Variants in IGFN1 observed in about 807,000 individuals in gnomAD.
The protein encoded by IGFN1 is immunoglobulin-like and fibronectin type III domain-containing protein 1.
In IGFN1, 253 loss-of-function variants were observed where a neutral mutation model predicts 289.5. The ratio of observed to expected loss-of-function variants is 0.87; its 90% CI spans 0.79 to 0.97. IGFN1 has a LOEUF of 0.97. Ranked by LOEUF, IGFN1 falls within the 50% of genes least tolerant of loss-of-function variation. The probability of loss-of-function intolerance (pLI) is 0.00; values close to 1 mark genes in which losing one functional copy is unlikely to be tolerated. For synonymous variants in IGFN1, 1,706 were observed against 1,788.5 expected (o/e 0.95, Z 1.16); for missense variants, 4,470 against 4,686.1 (o/e 0.95, Z 1.35).
chr1:201,204,567 C>T (rs895831634), intron 10 of IGFN1, among the ~76,000 whole-genome samples: 1 of 152,142 alleles, frequency 6.6e-6, no homozygotes, highest in African/African-American at 2.4e-5. Flanking sequence ...GGGGGAGGTG[C>T]CCAGATGGGG....
rs1667567389 is a variant in IGFN1, at chr1:201,208,887, G to A, written c.3994G>A (p.Glu1332Lys). The change falls in exon 12 of 24, where the codon GAG (glutamate) becomes AAG (lysine). Residue 1332 changes from glutamate (E) to lysine (K), a missense_variant. By Grantham distance (56) the Glu-to-Lys change is moderately conservative (BLOSUM62 1). Around this residue, in one of 8 missense-constraint regions of IGFN1, gnomAD observed 2,011 missense variants for 1,953.4 expected, o/e 1.03. Coordinates refer to ENST00000335211, the MANE Select transcript of IGFN1 (RefSeq NM_001164586.2). ...AGYRKDLGAP[E>K]GISSGSKADY... The stretch of plus-strand genomic sequence containing the variant: ...TTATAGGAAAGATTTAGGGGCTCCT[G>A]AGGGAATAAGTTCAGGGAGCAAGGC... The A allele has an allele frequency of 6.5e-7, 1 of 1,536,770 alleles. No homozygotes were observed. The highest frequency in any genetic ancestry group is 1.4e-5 in the African/African-American group (1 of 72,956).
chr1:201,213,922 T>C (rs924816011), intron 12 of IGFN1, among the ~76,000 whole-genome samples: 1 of 152,178 alleles, frequency 6.6e-6, no homozygotes, highest in African/African-American at 2.4e-5. Flanking sequence ...TTCTCACCTG[T>C]GGCGGGGGGG....
At position 201,212,376 on chromosome 1, in the gene IGFN1, G is replaced by A; in HGVS notation, c.7483G>A (p.Asp2495Asn). 6.5e-7 allele frequency: 1 copy of A among 1,536,960 alleles called. No individual in the cohort carries two copies. The highest frequency in any genetic ancestry group is 8.7e-7 in the Non-Finnish European group (1 of 1,146,818). Residue 2495 changes from aspartate to asparagine, a missense_variant, in exon 12 of 24, where the codon GAC (aspartate) becomes AAC (asparagine). Physicochemically the swap from Asp to Asn is conservative, Grantham distance 23 (BLOSUM62 1). Transcript: ENST00000335211. ...AAAACCAGATGTCAAAGAATGGCAA[G>A]ACAGTTCTGGGACTCCAGGGTCTTC... ...KGKPDVKEWQ[D>N]SSGTPGSSRD...
Position 201,215,667 on chromosome 1 carries a change from G to A in IGFN1, c.9124G>A (p.Asp3042Asn). ...CCCCATTCAGGCTGCCTGGAGGAAGGACGGGGCTGAGGTGGTGGGCAGCAG... is the reference window on the plus strand; with the variant it reads ...CCCCATTCAGGCTGCCTGGAGGAAGAACGGGGCTGAGGTGGTGGGCAGCAG... ...HLPIQAAWRKDGAEVVGSSDR... is the reference protein window; with the variant it reads ...HLPIQAAWRKNGAEVVGSSDR... Residue 3042 changes from aspartate (D) to asparagine (N), a missense_variant, in exon 15 of 24, where the codon GAC becomes AAC. Asp to Asn is a conservative substitution (Grantham distance 23, BLOSUM62 1). This residue lies in a region of IGFN1 where 2,218 missense variants were observed against 2,114.1 expected (regional missense o/e 1.05). Transcript: ENST00000335211. 1 of 1,614,006 alleles carries A rather than the reference G, an allele frequency of 6.2e-7. No individual in the cohort carries two copies. The highest frequency in any genetic ancestry group is 1.1e-5 in the South Asian group (1 of 91,050).
rs1667534842 is a variant in IGFN1, at chr1:201,208,305, G to A, written c.3412G>A (p.Glu1138Lys). Residue 1138 changes from glutamate (E) to lysine (K), a missense_variant, in exon 12 of 24, where the codon GAA (glutamate) becomes AAA (lysine). Glu to Lys is a moderately conservative substitution (Grantham distance 56). Transcript: ENST00000335211. ...RASEALGAFG[E>K]GGYEDGSGGP... ...CTCAGAGGCCCTGGGGGCCTTTGGA[G>A]AAGGAGGCTATGAAGATGGCTCTGG... 6.6e-7 allele frequency: 1 copy of A among 1,524,996 alleles called. No individual in the cohort carries two copies. The highest frequency in any genetic ancestry group is 1.4e-5 in the African/African-American group (1 of 72,046). The allele number at this position is 1,524,996 out of a possible 1,614,324, so 94.5% of individuals were successfully genotyped here. A position where few individuals can be genotyped will look rare whatever the true frequency, so the allele number is the denominator to read the frequency against.
intron 23 of IGFN1, among the ~76,000 whole-genome samples, chr1:201,227,918 G>A (rs1558164797): frequency 6.6e-6 from 1 of 152,192 alleles, no homozygotes; most frequent in Non-Finnish European, 1.5e-5. Flanking sequence ...AGAAAGCCAT[G>A]CTGATTCTCT....
intron 7 of IGFN1, among the ~76,000 whole-genome samples, 191 bp downstream of exon 7, chr1:201,199,845 AT>A (rs2102323262): frequency 6.6e-6 from 1 of 152,284 alleles, no homozygotes; most frequent in East Asian, 1.9e-4. Context: ...CAGCTCTGCC[AT>A]TTCAAAGCTC....
At chr1:201,194,131 T>A (rs1666777043) in intron 2 of IGFN1, 23 bp from the exon 3 acceptor site, 1 of 1,550,456 alleles carries the variant, frequency 6.4e-7, no homozygotes, top group Admixed American at 2.0e-5. Context: ...AGGCCCCATC[T>A]CCTTCCCTCC....
chr1:201,216,780 T>G (rs1571482595), intron 16 of IGFN1, 27 bp downstream of exon 16: 5 of 1,547,074 alleles, frequency 3.2e-6, no homozygotes, highest in Non-Finnish European at 4.4e-6. Flanking sequence ...GGGCTGGGGG[T>G]GGGGGACACT....
rs2102337308 is a variant in IGFN1, at chr1:201,208,341, G to A, written c.3448G>A (p.Ala1150Thr). The A allele has an allele frequency of 6.7e-7, 1 of 1,486,798 alleles. No individual in the cohort carries two copies. Among genetic ancestry groups the A allele is most frequent in the Non-Finnish European group, 8.9e-7 (1 of 1,128,556 alleles). 92.1% of individuals were successfully genotyped at this position (1,486,798 alleles called of 1,614,324 possible). Residue 1150 changes from alanine (A) to threonine (T), a missense_variant, in exon 12 of 24, where the codon GCC (alanine) becomes ACC (threonine). By Grantham distance (58) the Ala-to-Thr change is moderately conservative. Coordinates refer to ENST00000335211, the MANE Select transcript of IGFN1 (RefSeq NM_001164586.2). ...GYEDGSGGPG[A>T]MGPGSLRAGS... Reference sequence around the variant, plus strand: ...TGAAGATGGCTCTGGGGGTCCAGGAGCCATGGGACCAGGGTCTCTGAGGGC... The same window carrying A: ...TGAAGATGGCTCTGGGGGTCCAGGAACCATGGGACCAGGGTCTCTGAGGGC...
At position 201,225,938 on chromosome 1, in the gene IGFN1, T is replaced by G. The variant is rs1391954068; in HGVS notation, c.10601T>G (p.Val3534Gly). 5 of 1,602,424 alleles carry G rather than the reference T, an allele frequency of 3.1e-6. No homozygotes were observed. Among genetic ancestry groups the G allele is most frequent in the African/African-American group, 1.3e-5 (1 of 74,844 alleles). ...CAGGATGTCCCGCTGCACTACGCGG[T>G]GTTCACACGCTCCTCAGCGCACGGT... is the stretch of plus-strand genomic sequence containing the variant. ...EAQDVPLHYA[V>G]FTRSSAHGPW... Residue 3534 changes from valine (V) to glycine (G), a missense_variant, in exon 22 of 24, where the codon GTG becomes GGG. Around this residue, in one of 8 missense-constraint regions of IGFN1, gnomAD observed 2,218 missense variants for 2,114.1 expected, o/e 1.05. Coordinates refer to ENST00000335211, the MANE Select transcript of IGFN1 (RefSeq NM_001164586.2).
rs547571730 is a variant in IGFN1, at chr1:201,205,479, A to G, written c.1189+125A>G. The G allele has an allele frequency of 6.7e-5, 74 of 1,103,984 alleles. No individual in the cohort carries two copies. The African/African-American group carries it at 1.1e-3, about 16-fold the overall frequency. 68.4% of individuals were successfully genotyped at this position (1,103,984 alleles called of 1,614,324 possible). A position where few individuals can be genotyped will look rare whatever the true frequency, so the allele number is the denominator to read the frequency against. On this transcript the variant is annotated intron_variant, in intron 11 of 23. Transcript: ENST00000335211. The stretch of plus-strand genomic sequence containing the variant: ...GAGAATAAGGAAAGCTCCTTAGATT[A>G]TTCTCCACCCACTGCAGTGCAGACC...
rs147240309 is a variant in IGFN1 at position 201,196,004 on chromosome 1, C to T, written c.267+26C>T. ...GTAAGAACCGTAGCTCTTCCCCTGA[C>T]CAGGGTCTACTCGTCTTTTCCCATC... On this transcript the variant is annotated intron_variant, in intron 4 of 23. Coordinates refer to ENST00000335211, the MANE Select transcript of IGFN1 (RefSeq NM_001164586.2). 465 of 1,548,842 alleles carry T rather than the reference C, an allele frequency of 3.0e-4. 1 individual carries two copies. In the African/African-American group the frequency reaches 5.7e-3, roughly 19 times the overall value.
At chr1:201,214,880 T>G (rs1369061806) in intron 13 of IGFN1, 133 bp from the exon 14 acceptor site, 1 of 850,606 alleles carries the variant, frequency 1.2e-6, no homozygotes, top group East Asian at 2.7e-5. Context: ...CAGAGAGCAT[T>G]GGCACACAAT....
intron 3 of IGFN1, among the ~76,000 whole-genome samples, chr1:201,195,155 T>C (rs1444409932): frequency 6.6e-6 from 1 of 152,076 alleles, no homozygotes; most frequent in Non-Finnish European, 1.5e-5. Flanking sequence ...TCTTCTTTTT[T>C]TTTTTTCTTT....
chr1:201,211,649 G>A lies in IGFN1; in HGVS notation c.6756G>A (p.Lys2252=), dbSNP rs1667809024. ...MGSMDEADYR[K]DLGAPEEMGS... ...CAATGGATGAGGCAGATTATAGGAAGGATTTGGGAGCTCCTGAGGAAATGG... is the reference window on the plus strand; with the variant it reads ...CAATGGATGAGGCAGATTATAGGAAAGATTTGGGAGCTCCTGAGGAAATGG... The change falls in exon 12 of 24, where the codon AAG becomes AAA. Residue 2252 remains lysine, a synonymous_variant. Transcript: ENST00000335211. 2.6e-6 allele frequency: 4 copies of A among 1,536,960 alleles called. No homozygotes were observed. The highest frequency in any genetic ancestry group is 3.5e-6 in the Non-Finnish European group (4 of 1,146,794).
rs773739050 is a variant in IGFN1, at chr1:201,201,839, C to T, written c.747+7C>T. 1.9e-6 allele frequency: 2 copies of T among 1,045,812 alleles called. No homozygotes were observed. The highest frequency in any genetic ancestry group is 2.9e-6 in the Non-Finnish European group (2 of 696,970). 64.8% of individuals were successfully genotyped at this position (1,045,812 alleles called of 1,614,324 possible). On this transcript the variant is annotated splice_region_variant and intron_variant, in intron 9 of 23. Transcript: ENST00000335211. ...CAAGATTTACCTGTATAAGGTGAGG[C>T]TGGAGGGGCTATGGGTGGGGGGGAT...
At chr1:201,214,401 T>C in intron 13 of IGFN1, 100 bp downstream of exon 13, 2 of 1,282,918 alleles carry the variant, frequency 1.6e-6, no homozygotes. Context: ...GATTTTTCAT[T>C]CTTCATTTTG....
intron 9 of IGFN1, among the ~76,000 whole-genome samples, chr1:201,203,352 G>A (rs923299871): frequency 1.3e-5 from 2 of 152,180 alleles, no homozygotes; most frequent in African/African-American, 4.8e-5. Context: ...AGTTCCTGTT[G>A]GTGAATAAGT....
Sources: allele counts gnomAD v4.1 joint callset (sites outside exome capture counted in the v4.1 genomes callset), GRCh38; gene constraint gnomAD v4.1.1; regional missense constraint gnomAD v4.1.1; transcripts MANE v1.5; gene names NCBI Gene and HGNC (gene_info 2026-07-23, HGNC 2026-07-21).